The following TLE2 variants were observed in gnomAD, a reference collection of about 807,000 sequenced individuals.
TLE2 encodes TLE family member 2, transcriptional corepressor.
A neutral mutation model predicts 97.2 loss-of-function variants in TLE2; 74 were observed. The ratio of observed to expected loss-of-function variants is 0.76; its 90% CI spans 0.63 to 0.92. TLE2 has a LOEUF of 0.92. Ranked by LOEUF, TLE2 falls within the 40% of genes least tolerant of loss-of-function variation. The probability of loss-of-function intolerance (pLI) is 0.00; values close to 1 mark genes in which losing one functional copy is unlikely to be tolerated. For synonymous variants in TLE2, 499 were observed against 432.1 expected (o/e 1.15, Z -1.92); for missense variants, 1,038 against 1,008.7 (o/e 1.03, Z -0.39).
intron 15 of TLE2, chr19:3,006,189 G>C (rs921754035): frequency 1.0e-5 from 10 of 962,946 alleles, no homozygotes; most frequent in Admixed American, 8.5e-5. Flanking sequence ...CCCATGGTTG[G>C]CCTGCAAACC....
rs1306471555 is a variant in TLE2, at chr19:3,005,532, C to T, written c.1801G>A (p.Gly601Ser). The T allele has an allele frequency of 1.2e-6, 2 of 1,613,530 alleles. No homozygotes were observed. The highest frequency in any genetic ancestry group is 1.7e-6 in the Non-Finnish European group (2 of 1,179,812). ...GASCIDISDY[G>S]TRLWTGGLDN... ...AGGCCCCCTGTCCAGAGCCGAGTGC[C>T]GTAATCGGAAATATCAATGCAGCTG... Residue 601 changes from glycine (G) to serine (S), a missense_variant, in exon 17 of 20, where the codon GGC becomes AGC. Gly to Ser is a moderately conservative substitution (Grantham distance 56). Transcript: ENST00000262953.
chr19:3,023,434 C>A (rs770422591), intron 5 of TLE2, among the ~76,000 whole-genome samples: 1 of 152,176 alleles, frequency 6.6e-6, no homozygotes, highest in African/African-American at 2.4e-5. Context: ...CAGGACCTCT[C>A]CCCACCCCAA....
chr19:3,046,648 C>T (rs1042902550), upstream of TLE2, among the ~76,000 whole-genome samples: 1 of 150,756 alleles, frequency 6.6e-6, no homozygotes, highest in African/African-American at 2.4e-5. Flanking sequence ...CCACTGAGAA[C>T]CATTGTGTGG....
rs141194377 is a variant in TLE2 at position 3,010,745 on chromosome 19, A to C, written c.1012+277T>G. ...ATGCCCAAGCCTGGTCTGAAACCCA[A>C]GTCTGTCTGGCCCCAAAGATTGTCT... On this transcript the variant is annotated intron_variant, in intron 12 of 19. Coordinates refer to ENST00000262953, the MANE Select transcript of TLE2 (RefSeq NM_003260.5). Among the ~76,000 whole-genome samples, 482 of 152,278 alleles carry C rather than the reference A, an allele frequency of 3.2e-3. 8 individuals carry two copies. Among genetic ancestry groups the C allele is most frequent in the Non-Finnish European group, 4.0e-3 (275 of 68,030 alleles).
chr19:3,038,179 G>C (rs1232257903), intron 1 of TLE2, among the ~76,000 whole-genome samples: 2 of 151,842 alleles, frequency 1.3e-5, no homozygotes, highest in African/African-American at 4.8e-5. Flanking sequence ...CTCCATAAAG[G>C]GTAGCTATTT....
Position 3,006,645 on chromosome 19 carries a change from C to A in TLE2, c.1275G>T (p.Ala425=), listed in dbSNP as rs369285466. 6.2e-7 allele frequency: 1 copy of A among 1,607,446 alleles called. No individual in the cohort carries two copies. Among genetic ancestry groups the A allele is most frequent in the Non-Finnish European group, 8.5e-7 (1 of 1,176,476 alleles). The change falls in exon 15 of 20, where the codon GCG becomes GCT. Residue 425 remains alanine, a synonymous_variant. Transcript: ENST00000262953. The part of the protein sequence containing the change: ...GKPAYSFHVS[A]DGQMQPVPFP... ...AGGGAACCGGCTGCATCTGCCCGTC[C>A]GCAGACACGTGGAAGGAGTAGGCCC...
chr19:3,017,295 G>C (rs535575841), intron 8 of TLE2, among the ~76,000 whole-genome samples: 9 of 150,924 alleles, frequency 6.0e-5, no homozygotes, highest in Admixed American at 6.6e-5. Flanking sequence ...CCGCCGCCAC[G>C]TTTGGCTAAT....
intron 1 of TLE2, among the ~76,000 whole-genome samples, chr19:3,043,103 A>G (rs1386930550): frequency 6.6e-6 from 1 of 151,920 alleles, no homozygotes; most frequent in Non-Finnish European, 1.5e-5. Context: ...TACAGCCATG[A>G]GCCATCTTGC....
chr19:3,013,378 G>T (rs569618098), intron 11 of TLE2, among the ~76,000 whole-genome samples: 1 of 151,990 alleles, frequency 6.6e-6, no homozygotes, highest in Admixed American at 6.6e-5. Context: ...TTATTTCCAT[G>T]GGATTTCCTA....
chr19:3,041,014 T>TATATATATATGTA (rs55998855), intron 1 of TLE2, among the ~76,000 whole-genome samples: 1 of 20,166 alleles, frequency 5.0e-5, no homozygotes, highest in Non-Finnish European at 8.4e-5. Context: ...TATATATATA[T>TATATATATATGTA]TTTTTTTTTT....
intron 1 of TLE2, among the ~76,000 whole-genome samples, chr19:3,043,535 C>T (rs1244538693): frequency 4.0e-5 from 6 of 151,790 alleles, no homozygotes; most frequent in Non-Finnish European, 7.4e-5. Flanking sequence ...TCATGGGTCG[C>T]ACCTGTAATC....
In TLE2 at chr19:3,002,353, C is replaced by T. The variant is rs765715681; in HGVS notation, c.2047G>A (p.Gly683Arg). 11 of 1,610,362 alleles carry T rather than the reference C, an allele frequency of 6.8e-6. No individual in the cohort carries two copies. The highest frequency in any genetic ancestry group is 4.0e-5 in the African/African-American group (3 of 74,790). ...TGCCACCCCGCCCCAGAAGACACAC[C>T]GCAGGAGGCAAACTTCAGGGACAGC... ...CVLSLKFASC[G>R]RWFVSTGKDN... Residue 683 changes from glycine to arginine, a missense_variant and splice_region_variant, in exon 18 of 20, where the codon GGA becomes AGA. Coordinates refer to ENST00000262953, the MANE Select transcript of TLE2 (RefSeq NM_003260.5).
At chr19:3,039,225 C>CAAAAAA (rs1198237452) in intron 1 of TLE2, among the ~76,000 whole-genome samples, 1 of 103,866 alleles carries the variant, frequency 9.6e-6, no homozygotes, top group Admixed American at 1.1e-4. Flanking sequence ...TTCCCCACTC[C>CAAAAAA]AAAAAAAAAA....
chr19:3,000,240 T>A (rs1197945884), intron 19 of TLE2, among the ~76,000 whole-genome samples: 1 of 149,214 alleles, frequency 6.7e-6, no homozygotes, highest in East Asian at 2.0e-4. Flanking sequence ...CCTGGCTAAT[T>A]TTTTTGTATT....
intron 8 of TLE2, chr19:3,016,017 A>ACCCC (rs2089695827): frequency 5.3e-6 from 3 of 564,588 alleles, no homozygotes; most frequent in Admixed American, 2.2e-5. Context: ...GCCCACTGAG[A>ACCCC]CCCCCGCCTC....
chr19:3,029,085 G>T lies in TLE2; in HGVS notation c.-181C>A. The T allele has an allele frequency of 7.9e-7, 1 of 1,273,004 alleles. No homozygotes were observed. Among genetic ancestry groups the T allele is most frequent in the South Asian group, 2.7e-5 (1 of 36,658 alleles). 78.9% of individuals were successfully genotyped at this position (1,273,004 alleles called of 1,614,324 possible). ...CGCGCCCCCAAGCGCGCGCGCCCGG[G>T]GTCGTGGGAGCCCCTCCCCGGGTTG... On this transcript the variant is annotated 5_prime_UTR_variant, in exon 1 of 20. Transcript: ENST00000262953.
chr19:3,020,415 C>T (rs1271223519), intron 5 of TLE2: 1 of 151,772 alleles, frequency 6.6e-6, no homozygotes, highest in African/African-American at 2.4e-5. Flanking sequence ...GTGACAACCA[C>T]AGACGTCTCC....
intron 12 of TLE2, 40 bp from the exon 13 acceptor site, chr19:3,009,742 A>T: frequency 3.2e-6 from 5 of 1,565,946 alleles, no homozygotes; most frequent in Non-Finnish European, 4.3e-6. Flanking sequence ...GACGCCCTGG[A>T]CCCAGATCCC....
In TLE2 at chr19:3,028,911, G is replaced by A; in HGVS notation, c.-7C>T. ...GCCTTCCCTGGGGGTACATCCTGCC[G>A]ATCCGAAAAGCCCCCCAGGCGCCAC... On this transcript the variant is annotated 5_prime_UTR_variant, in exon 1 of 20. Coordinates refer to ENST00000262953, the MANE Select transcript of TLE2 (RefSeq NM_003260.5). The A allele has an allele frequency of 1.2e-6, 2 of 1,609,948 alleles. No individual in the cohort carries two copies. The highest frequency in any genetic ancestry group is 1.1e-5 in the South Asian group (1 of 90,970).
Sources: gnomAD v4.1 joint callset for allele counts (sites outside exome capture counted in the v4.1 genomes callset) on GRCh38, gnomAD v4.1.1 for gene constraint, MANE v1.5 for transcripts, NCBI Gene and HGNC (gene_info 2026-07-23, HGNC 2026-07-21) for gene names.